Variants in SLC7A2 observed in about 807,000 individuals in gnomAD.
The protein encoded by SLC7A2 is solute carrier family 7 member 2.
SLC7A2 carries 48 observed loss-of-function variants against 58.9 expected under a neutral mutation model. The observed-to-expected ratio is 0.82, with a 90% CI of 0.65 to 1.04. SLC7A2 has a LOEUF of 1.04. SLC7A2 is among the 50% of genes least tolerant of loss of function. The probability of loss-of-function intolerance (pLI) is 0.00; values close to 1 mark genes in which losing one functional copy is unlikely to be tolerated. For synonymous variants in SLC7A2, 363 were observed against 314.5 expected (o/e 1.15, Z -1.63); for missense variants, 1,029 against 818.8 (o/e 1.26, Z -3.13).
intron 2 of SLC7A2, among the ~76,000 whole-genome samples, chr8:17,542,262 A>G (rs1228640125): frequency 1.3e-5 from 2 of 152,226 alleles, no homozygotes; most frequent in Non-Finnish European, 2.9e-5. Flanking sequence ...ACGTGCTTTT[A>G]GATGATAGCT....
At chr8:17,528,474 T>A (rs1356006410) in intron 2 of SLC7A2, among the ~76,000 whole-genome samples, 1 of 152,004 alleles carries the variant, frequency 6.6e-6, no homozygotes. Flanking sequence ...AGCCTCTACC[T>A]CCTGGACTCA....
intron 5 of SLC7A2, 110 bp from the exon 6 acceptor site, chr8:17,550,191 C>T (rs1585251161): frequency 1.0e-6 from 1 of 992,270 alleles, no homozygotes; most frequent in Non-Finnish European, 1.5e-6. Context: ...ATATCATCTT[C>T]AAAGAGCTAA....
rs765771497 is a variant in SLC7A2 at position 17,570,020 on chromosome 8, A to T, written c.*4874A>T. On this transcript the variant is annotated 3_prime_UTR_variant, in exon 13 of 13. Coordinates refer to ENST00000494857, the MANE Select transcript of SLC7A2 (RefSeq NM_001370338.1). ...TGGGCTCCTTAATTCCAAACATCCC[A>T]TGAGTATATCAAGATGAATAAGGAC... The T allele has an allele frequency of 6.6e-6, 1 of 152,198 alleles. No homozygotes were observed. The highest frequency in any genetic ancestry group is 1.5e-5 in the Non-Finnish European group (1 of 68,046). 9.4% of individuals were successfully genotyped at this position (152,198 alleles called of 1,614,324 possible). A position where few individuals can be genotyped will look rare whatever the true frequency, so the allele number is the denominator to read the frequency against.
At chr8:17,560,290 A>G (rs778455740) in intron 9 of SLC7A2, 38 bp from the exon 10 acceptor site, 8 of 1,523,758 alleles carry the variant, frequency 5.3e-6, no homozygotes, top group African/African-American at 2.7e-5. Context: ...CCAAATGTCT[A>G]TTTGAGAATA....
intron 8 of SLC7A2, among the ~76,000 whole-genome samples, chr8:17,557,004 G>A (rs763738637): frequency 1.3e-5 from 2 of 152,158 alleles, no homozygotes; most frequent in Non-Finnish European, 1.5e-5. Flanking sequence ...ACTCTGCCCC[G>A]ACGGGTAGTC....
Position 17,566,377 on chromosome 8 carries a change from A to G in SLC7A2, c.*1231A>G, listed in dbSNP as rs1490404024. ...GGCCTGTTCCATTGTTAAATGGCAA[A>G]TGGCCCAATTTAAGGGCTTTGGATC... On this transcript the variant is annotated 3_prime_UTR_variant, in exon 13 of 13. Transcript: ENST00000494857. 2 of 152,150 alleles carry G rather than the reference A, an allele frequency of 1.3e-5. No homozygotes were observed. The highest frequency in any genetic ancestry group is 6.5e-5 in the Admixed American group (1 of 15,272). The allele number at this position is 152,150 out of a possible 1,614,324, so 9.4% of individuals were successfully genotyped here.
intron 2 of SLC7A2, among the ~76,000 whole-genome samples, chr8:17,519,308 G>A (rs1378784983): frequency 6.6e-6 from 1 of 152,194 alleles, no homozygotes. Context: ...CTTGATAAAT[G>A]TTAGCTCTCA....
chr8:17,531,968 C>T (rs1319110493), intron 2 of SLC7A2, among the ~76,000 whole-genome samples: 2 of 151,956 alleles, frequency 1.3e-5, no homozygotes, highest in East Asian at 3.9e-4. Flanking sequence ...TGGCTCATGC[C>T]TATAATCCTA....
intron 2 of SLC7A2, among the ~76,000 whole-genome samples, chr8:17,518,700 T>C (rs1003169828): frequency 6.6e-6 from 1 of 152,218 alleles, no homozygotes; most frequent in South Asian, 2.1e-4. Flanking sequence ...GCTTCTGAAA[T>C]GCTAATCATT....
intron 2 of SLC7A2, among the ~76,000 whole-genome samples, chr8:17,503,217 A>AT (rs1317398728): frequency 6.6e-6 from 1 of 151,272 alleles, no homozygotes; most frequent in Non-Finnish European, 1.5e-5. Flanking sequence ...CGCCCGGCTA[A>AT]TTTTTTGTAT....
chr8:17,522,427 G>A (rs1447504411), intron 2 of SLC7A2, among the ~76,000 whole-genome samples: 1 of 152,132 alleles, frequency 6.6e-6, no homozygotes, highest in East Asian at 1.9e-4. Flanking sequence ...TGGCCATGCT[G>A]ACTACAAGAA....
chr8:17,555,256 G>A (rs1435178994), intron 8 of SLC7A2, among the ~76,000 whole-genome samples: 1 of 152,012 alleles, frequency 6.6e-6, no homozygotes, highest in Non-Finnish European at 1.5e-5. Context: ...GGTGGCGGTG[G>A]TATAATGAAG....
In SLC7A2 at chr8:17,498,879, G is replaced by C. The variant is rs1053423593; in HGVS notation, c.-69+1642G>C. The C allele has an allele frequency of 5.2e-5, 8 of 152,396 alleles. No homozygotes were observed. In the East Asian group the frequency reaches 1.3e-3, roughly 26 times the overall value. The allele number at this position is 152,396 out of a possible 1,614,324, so 9.4% of individuals were successfully genotyped here. ...AGCCTGGGAAGGCGAATAGAAGCTA[G>C]CTGGGGAGACAGGGGAGCTGTGGCA... is the stretch of plus-strand genomic sequence containing the variant. On this transcript the variant is annotated intron_variant, in intron 1 of 12. Coordinates refer to ENST00000494857, the MANE Select transcript of SLC7A2 (RefSeq NM_001370338.1).
upstream of SLC7A2, among the ~76,000 whole-genome samples, chr8:17,496,882 C>T (rs1424867134): frequency 4.0e-5 from 6 of 151,892 alleles, no homozygotes; most frequent in Non-Finnish European, 5.9e-5. Flanking sequence ...GGGCTAGCGC[C>T]CGCCCACGTG....
intron 2 of SLC7A2, among the ~76,000 whole-genome samples, chr8:17,528,456 C>A (rs545790631): frequency 1.3e-5 from 2 of 152,020 alleles, no homozygotes; most frequent in African/African-American, 4.8e-5. Flanking sequence ...ATGATTATGG[C>A]TCACTGCAGC....
At chr8:17,532,785 C>T (rs1039576145) in intron 2 of SLC7A2, among the ~76,000 whole-genome samples, 19 of 152,076 alleles carry the variant, frequency 1.2e-4, no homozygotes, top group Admixed American at 2.6e-4. Flanking sequence ...AAATAAAAAG[C>T]ATTAGACGCC....
At chr8:17,561,435 G>C (rs1802977964) in intron 10 of SLC7A2, among the ~76,000 whole-genome samples, 1 of 152,074 alleles carries the variant, frequency 6.6e-6, no homozygotes, top group South Asian at 2.1e-4. Context: ...GAACAGTGTG[G>C]GGGAAACCGC....
chr8:17,494,209 C>T (rs1160927928), upstream of SLC7A2, among the ~76,000 whole-genome samples: 1 of 152,010 alleles, frequency 6.6e-6, no homozygotes, highest in African/African-American at 2.4e-5. Context: ...GAAGTAAATC[C>T]CTTATTTGTG....
intron 8 of SLC7A2, among the ~76,000 whole-genome samples, 179 bp from the exon 9 acceptor site, chr8:17,558,116 G>A (rs779460114): frequency 3.3e-5 from 5 of 152,150 alleles, no homozygotes; most frequent in Non-Finnish European, 5.9e-5. Context: ...CCTATCAGCA[G>A]TTTATATGAC....
Sources: gnomAD v4.1 joint callset for allele counts (sites outside exome capture counted in the v4.1 genomes callset) on GRCh38, gnomAD v4.1.1 for gene constraint, MANE v1.5 for transcripts, NCBI Gene and HGNC (gene_info 2026-07-23, HGNC 2026-07-21) for gene names.